Variants in PDE3A observed in about 807,000 individuals in gnomAD.
PDE3A encodes cGMP-inhibited 3',5'-cyclic phosphodiesterase 3A.
PDE3A carries 43 observed loss-of-function variants against 98.3 expected under a neutral mutation model. That is an observed-to-expected ratio of 0.44 (90% CI 0.34 to 0.56). The LOEUF (loss-of-function observed/expected upper bound fraction) is 0.56. Among genes scored for constraint, PDE3A ranks in the 20% least tolerant of loss-of-function variants. The pLI, the probability that PDE3A is intolerant of heterozygous loss-of-function variation, is 0.01. For synonymous variants in PDE3A, 663 were observed against 567.9 expected, an observed-to-expected ratio of 1.17 and a Z score of -2.38; for missense variants, 1,427 against 1,440.7, an observed-to-expected ratio of 0.99 and a Z score of 0.15.
chr12:20,389,042 T>A (rs144950736), intron 1 of PDE3A, among the ~76,000 whole-genome samples: 329 of 152,094 alleles, frequency 2.2e-3, no homozygotes, highest in African/African-American at 7.6e-3. Context: ...AAGAAAAAAA[T>A]CTTTCTAGAA....
At chr12:20,642,921 A>G (rs1481423222) in intron 10 of PDE3A, among the ~76,000 whole-genome samples, 1 of 152,242 alleles carries the variant, frequency 6.6e-6, no homozygotes, top group Non-Finnish European at 1.5e-5. Flanking sequence ...AATTTTAAAT[A>G]CAAAATATAT....
chr12:20,505,253 A>G (rs1016896811), intron 1 of PDE3A, among the ~76,000 whole-genome samples: 2 of 152,082 alleles, frequency 1.3e-5, no homozygotes, highest in African/African-American at 2.4e-5. Flanking sequence ...TGTGTGGTAC[A>G]TGGCCAATTT....
At chr12:20,387,407 C>T (rs1434406588) in intron 1 of PDE3A, among the ~76,000 whole-genome samples, 4 of 152,032 alleles carry the variant, frequency 2.6e-5, no homozygotes, top group Non-Finnish European at 5.9e-5. Context: ...TATCTATGAG[C>T]ATAGAATGTT....
At chr12:20,412,017 A>G (rs1201366422) in intron 1 of PDE3A, among the ~76,000 whole-genome samples, 1 of 152,080 alleles carries the variant, frequency 6.6e-6, no homozygotes, top group African/African-American at 2.4e-5. Flanking sequence ...CAGCATACTT[A>G]TGATCTATCC....
At chr12:20,451,575 G>C (rs985049521) in intron 1 of PDE3A, among the ~76,000 whole-genome samples, 1 of 152,156 alleles carries the variant, frequency 6.6e-6, no homozygotes, top group Non-Finnish European at 1.5e-5. Flanking sequence ...CCAAACTGCT[G>C]GGATTACAGG....
chr12:20,401,534 T>C (rs1027607393), intron 1 of PDE3A, among the ~76,000 whole-genome samples: 6 of 152,150 alleles, frequency 3.9e-5, no homozygotes, highest in Non-Finnish European at 7.3e-5. Flanking sequence ...TAGGTAGATC[T>C]CTTGAGGTCC....
intron 1 of PDE3A, among the ~76,000 whole-genome samples, chr12:20,386,281 GTATAT>G (rs1353755358): frequency 3.9e-5 from 5 of 129,516 alleles, no homozygotes; most frequent in African/African-American, 8.9e-5. Context: ...TTATATTATA[GTATAT>G]TATAGTATAA....
At chr12:20,406,464 C>T (rs1050683796) in intron 1 of PDE3A, among the ~76,000 whole-genome samples, 1 of 152,118 alleles carries the variant, frequency 6.6e-6, no homozygotes, top group Non-Finnish European at 1.5e-5. Flanking sequence ...TATTTGCATT[C>T]CCCGGATGAT....
chr12:20,666,409 A>C (rs1470733315), intron 15 of PDE3A, among the ~76,000 whole-genome samples: 2 of 152,172 alleles, frequency 1.3e-5, no homozygotes, highest in African/African-American at 2.4e-5. Flanking sequence ...ATTAATCAAT[A>C]TCTCTTCATT....
chr12:20,585,114 C>T (rs888297429), intron 2 of PDE3A, among the ~76,000 whole-genome samples: 5 of 152,146 alleles, frequency 3.3e-5, no homozygotes, highest in Non-Finnish European at 5.9e-5. Flanking sequence ...CGGAGGATTT[C>T]TCATTTTCTA....
In PDE3A at chr12:20,539,115, G is replaced by T. The variant is rs951381909; in HGVS notation, c.961-17545G>T. ...TGGAAGATAGACAAAAGCAAGTACC[G>T]GTTGAGAATCCCTTATCTAAAAGGG... On this transcript the variant is annotated intron_variant, in intron 1 of 15. Coordinates refer to ENST00000359062, the MANE Select transcript of PDE3A (RefSeq NM_000921.5). Among the ~76,000 whole-genome samples the T allele has an allele frequency of 2.0e-5, 3 of 152,022 alleles. No individual in the cohort carries two copies. In the South Asian group the frequency reaches 6.2e-4, roughly 31 times the overall value.
intron 1 of PDE3A, among the ~76,000 whole-genome samples, chr12:20,377,216 A>G (rs1297110310): frequency 1.3e-5 from 2 of 151,842 alleles, no homozygotes; most frequent in African/African-American, 4.8e-5. Context: ...AAACAGTCCT[A>G]TAAACATTAT....
chr12:20,590,382 A>G (rs989951740), intron 2 of PDE3A, among the ~76,000 whole-genome samples: 5 of 147,784 alleles, frequency 3.4e-5, no homozygotes, highest in African/African-American at 1.3e-4. Flanking sequence ...CGTATGTATG[A>G]GCAAGTTCCA....
chr12:20,420,744 T>G (rs539095671), intron 1 of PDE3A, among the ~76,000 whole-genome samples: 1 of 152,210 alleles, frequency 6.6e-6, no homozygotes, highest in Non-Finnish European at 1.5e-5. Flanking sequence ...TCCCTGTGAA[T>G]GCACACCGGG....
At chr12:20,647,067 C>T (rs1303350277) in intron 12 of PDE3A, 117 bp downstream of exon 12, 14 of 661,554 alleles carry the variant, frequency 2.1e-5, no homozygotes, top group South Asian at 3.8e-5. Context: ...CATAGTCTTA[C>T]GTTGAAATTC....
intron 1 of PDE3A, among the ~76,000 whole-genome samples, chr12:20,503,508 C>A (rs1447295180): frequency 6.6e-6 from 1 of 152,008 alleles, no homozygotes; most frequent in African/African-American, 2.4e-5. Flanking sequence ...AAAATTCCAT[C>A]AGTCAGAAAC....
At chr12:20,671,447 T>C (rs1398758864) in intron 15 of PDE3A, among the ~76,000 whole-genome samples, 1 of 150,402 alleles carries the variant, frequency 6.6e-6, no homozygotes, top group Non-Finnish European at 1.5e-5. Context: ...GCAAAAATCC[T>C]CAATAAAATA....
rs115955989 is a variant in PDE3A at position 20,496,076 on chromosome 12, G to A, written c.961-60584G>A. ...CTTAATGTCAGTACAAATAAGCAAA[G>A]GTTACAGAATACTGTGAGAAATGGT... On this transcript the variant is annotated intron_variant, in intron 1 of 15. Coordinates refer to ENST00000359062, the MANE Select transcript of PDE3A (RefSeq NM_000921.5). Among the ~76,000 whole-genome samples, 1,517 of 152,198 alleles carry A rather than the reference G, an allele frequency of 1.0e-2. 32 individuals are homozygous for A. Among genetic ancestry groups the A allele is most frequent in the African/African-American group, 0.034 (1,424 of 41,508 alleles).
chr12:20,629,156 A>G (rs1944325479), intron 5 of PDE3A, among the ~76,000 whole-genome samples: 1 of 152,180 alleles, frequency 6.6e-6, no homozygotes, highest in Non-Finnish European at 1.5e-5. Flanking sequence ...TTCAAAAGAC[A>G]TCGTCCTGGT....
Sources: gnomAD v4.1 joint callset for allele counts (sites outside exome capture counted in the v4.1 genomes callset) on GRCh38, gnomAD v4.1.1 for gene constraint, MANE v1.5 for transcripts, NCBI Gene and HGNC (gene_info 2026-07-23, HGNC 2026-07-21) for gene names.